POMK: variants seen among roughly 807,000 people sequenced by gnomAD.
The protein encoded by POMK is protein O-mannose kinase.
POMK carries 19 observed loss-of-function variants against 23.0 expected under a neutral mutation model. The observed-to-expected ratio is 0.83, with a 90% CI of 0.58 to 1.21. POMK has a LOEUF of 1.21. POMK is among the 50% of genes most tolerant of loss of function. The pLI is 0.00. For synonymous variants in POMK, 173 were observed against 171.6 expected, an observed-to-expected ratio of 1.01 and a Z score of -0.06; for missense variants, 410 against 431.3, an observed-to-expected ratio of 0.95 and a Z score of 0.44.
chr8:43,102,175 G>A (rs1321800691), intron 2 of POMK, among the ~76,000 whole-genome samples: 2 of 152,222 alleles, frequency 1.3e-5, no homozygotes, highest in African/African-American at 4.8e-5. Flanking sequence ...AGCTCCAGCA[G>A]GATAGGAACC....
chr8:43,109,552 A>AT (rs1811607528), intron 4 of POMK, among the ~76,000 whole-genome samples: 1 of 150,126 alleles, frequency 6.7e-6, no homozygotes, highest in East Asian at 2.0e-4. Context: ...TTTATTTTTT[A>AT]TTTTTTTCAA....
chr8:43,113,009 C>T (rs530845567), intron 4 of POMK, among the ~76,000 whole-genome samples: 90 of 152,242 alleles, frequency 5.9e-4, no homozygotes, highest in African/African-American at 2.0e-3. Flanking sequence ...CATCAACTAA[C>T]GAGGAAAATA....
At chr8:43,111,333 C>T (rs1811657221) in intron 4 of POMK, among the ~76,000 whole-genome samples, 1 of 152,170 alleles carries the variant, frequency 6.6e-6, no homozygotes, top group Admixed American at 6.5e-5. Context: ...GCTAGCACAG[C>T]AGTCTGAGAT....
rs534295348 is a variant in POMK at position 43,122,415 on chromosome 8, G to T, written c.591G>T (p.Val197=). 1.2e-6 allele frequency: 2 copies of T among 1,614,132 alleles called. No homozygotes were observed. Among genetic ancestry groups the T allele is most frequent in the African/African-American group, 2.7e-5 (2 of 75,036 alleles). ...TTAATTACCTGCACCACAGCCCTGTGGGCACACGGGTCATGTGCGACTCCA... is the reference window on the plus strand; with the variant it reads ...TTAATTACCTGCACCACAGCCCTGTTGGCACACGGGTCATGTGCGACTCCA... ...SIINYLHHSP[V]GTRVMCDSND... is the part of the protein sequence containing the mutation. The change falls in exon 5 of 5, where the codon GTG becomes GTT. Residue 197 remains valine, a synonymous_variant. Transcript: ENST00000331373.
intron 1 of POMK, among the ~76,000 whole-genome samples, chr8:43,094,628 C>T (rs62517593): frequency 2.0e-5 from 3 of 152,128 alleles, no homozygotes; most frequent in African/African-American, 4.8e-5. Context: ...TCTTAATGTA[C>T]CTTGTGCTTT....
chr8:43,111,109 C>T (rs958335955), intron 4 of POMK, among the ~76,000 whole-genome samples: 47 of 152,230 alleles, frequency 3.1e-4, no homozygotes, highest in African/African-American at 7.7e-4. Flanking sequence ...ATGCGTGAGC[C>T]GAAGCAGGGC....
In POMK at chr8:43,101,192, G is replaced by A. The variant is rs142207856; in HGVS notation, c.-117-1313G>A. Among the ~76,000 whole-genome samples, 833 of 152,156 alleles carry A rather than the reference G, an allele frequency of 5.5e-3. 3 individuals carry two copies. The highest frequency in any genetic ancestry group is 0.011 in the South Asian group (52 of 4,822). On this transcript the variant is annotated intron_variant, in intron 2 of 4. Transcript: ENST00000331373. ...AATCCCAGCAATTTGGGAGGCTGAC[G>A]CAGGAGGATTGCTTGAGGCCAGGAG...
chr8:43,111,129 C>T (rs1408853119), intron 4 of POMK, among the ~76,000 whole-genome samples: 1 of 152,162 alleles, frequency 6.6e-6, no homozygotes, highest in Non-Finnish European at 1.5e-5. Context: ...CGAGGCATTG[C>T]CCCACCCGGG....
chr8:43,110,213 A>G (rs1811621991), intron 4 of POMK, among the ~76,000 whole-genome samples: 1 of 152,140 alleles, frequency 6.6e-6, no homozygotes, highest in Non-Finnish European at 1.5e-5. Context: ...AGTAGTCTCA[A>G]GTGCATATTA....
In POMK at chr8:43,122,228, T is replaced by A. The variant is rs2130626484; in HGVS notation, c.404T>A (p.Val135Asp). 1.2e-6 allele frequency: 2 copies of A among 1,614,228 alleles called. No homozygotes were observed. The highest frequency in any genetic ancestry group is 1.7e-6 in the Non-Finnish European group (2 of 1,180,038). Residue 135 changes from valine (V) to aspartate (D), a missense_variant, in exon 5 of 5, where the codon GTC becomes GAC. Transcript: ENST00000331373. ...AAATCTCTCCAAGGCACACATGTTG[T>A]CACGCTGCTTGGCTATTGTGAGGAT... ...MLKSLQGTHV[V>D]TLLGYCEDDN... is the part of the protein sequence containing the mutation.
At chr8:43,097,792 G>A (rs1811364192) in intron 2 of POMK, among the ~76,000 whole-genome samples, 177 bp downstream of exon 2, 1 of 152,218 alleles carries the variant, frequency 6.6e-6, no homozygotes, top group African/African-American at 2.4e-5. Context: ...TGTAACTTGA[G>A]TGGGTGGTTG....
At chr8:43,098,402 T>C (rs1811375762) in intron 2 of POMK, among the ~76,000 whole-genome samples, 1 of 152,234 alleles carries the variant, frequency 6.6e-6, no homozygotes, top group Admixed American at 6.5e-5. Context: ...CTTATTTCAC[T>C]GAGCATGATG....
At position 43,102,260 on chromosome 8, in the gene POMK, A is replaced by G. The variant is rs62517597; in HGVS notation, c.-117-245A>G. 3.9e-3 allele frequency among the ~76,000 whole-genome samples: 599 copies of G among 152,284 alleles called. 3 individuals carry two copies. The highest frequency in any genetic ancestry group is 6.8e-3 in the Middle Eastern group (2 of 294). On this transcript the variant is annotated intron_variant, in intron 2 of 4. Transcript: ENST00000331373. Reference sequence around the variant, plus strand: ...GCTGGGCACATAGAAGCTGCTCAGGACATGTTGCGGGAATGAGCAGCTGGA... The same window carrying G: ...GCTGGGCACATAGAAGCTGCTCAGGGCATGTTGCGGGAATGAGCAGCTGGA...
chr8:43,103,402 T>G, intron 3 of POMK, 126 bp from the exon 4 acceptor site: 3 of 849,520 alleles, frequency 3.5e-6, no homozygotes, highest in Non-Finnish European at 5.7e-6. Context: ...GATACCTGCT[T>G]TAATCCCCAC....
intron 4 of POMK, among the ~76,000 whole-genome samples, chr8:43,108,840 C>T (rs1397089806): frequency 6.6e-6 from 1 of 152,134 alleles, no homozygotes; most frequent in East Asian, 1.9e-4. Flanking sequence ...TTAGGGAAGC[C>T]ACAAAGACAC....
intron 4 of POMK, among the ~76,000 whole-genome samples, chr8:43,117,308 A>C (rs1446507565): frequency 6.6e-6 from 1 of 152,204 alleles, no homozygotes; most frequent in African/African-American, 2.4e-5. Context: ...CTGACGAGAG[A>C]AATGTTATTA....
chr8:43,122,383 A>C lies in POMK; in HGVS notation c.559A>C (p.Ser187Arg), dbSNP rs1022471198. 1 of 1,614,120 alleles carries C rather than the reference A, an allele frequency of 6.2e-7. No homozygotes were observed. Among genetic ancestry groups the C allele is most frequent in the African/African-American group, 1.3e-5 (1 of 74,948 alleles). Residue 187 changes from serine (S) to arginine (R), a missense_variant, in exon 5 of 5, where the codon AGC becomes CGC. Ser to Arg is a moderately radical substitution (Grantham distance 110, BLOSUM62 -1). Coordinates refer to ENST00000331373, the MANE Select transcript of POMK (RefSeq NM_032237.5). ...HRLELAMDYV[S>R]IINYLHHSPV... is the part of the protein sequence containing the mutation. ...GCTGGAGCTGGCCATGGACTATGTC[A>C]GCATCATTAATTACCTGCACCACAG...
At chr8:43,105,754 T>C (rs1296980030) in intron 4 of POMK, among the ~76,000 whole-genome samples, 1 of 152,138 alleles carries the variant, frequency 6.6e-6, no homozygotes, top group Non-Finnish European at 1.5e-5. Context: ...CACCTCCACT[T>C]CTGGGTTCAA....
chr8:43,117,401 C>T (rs574169833), intron 4 of POMK, among the ~76,000 whole-genome samples: 14 of 152,304 alleles, frequency 9.2e-5, no homozygotes, highest in African/African-American at 2.9e-4. Context: ...CATCATCCAT[C>T]GCAAACGTCT....
Sources: gnomAD v4.1 joint callset for allele counts (sites outside exome capture counted in the v4.1 genomes callset) on GRCh38, gnomAD v4.1.1 for gene constraint, MANE v1.5 for transcripts, NCBI Gene and HGNC (gene_info 2026-07-23, HGNC 2026-07-21) for gene names.